The following COL25A1 variants were observed in gnomAD, a reference collection of about 807,000 sequenced individuals.
COL25A1 encodes the protein collagen alpha-1(XXV) chain.
COL25A1 carries 103 observed loss-of-function variants against 128.4 expected under a neutral mutation model. The observed-to-expected ratio is 0.80, with a 90% CI of 0.68 to 0.94. The LOEUF (loss-of-function observed/expected upper bound fraction) is 0.94, where lower values mean the gene tolerates loss of function less well. COL25A1 is among the 40% of genes least tolerant of loss of function. The pLI is 0.00. For synonymous variants in COL25A1, 279 were observed against 277.2 expected, an observed-to-expected ratio of 1.01 and a Z score of -0.06; for missense variants, 745 against 840.0, an observed-to-expected ratio of 0.89 and a Z score of 1.40.
At chr4:109,171,566 G>A (rs1773589805) in intron 3 of COL25A1, among the ~76,000 whole-genome samples, 1 of 152,148 alleles carries the variant, frequency 6.6e-6, no homozygotes, top group Admixed American at 6.5e-5. Context: ...AAAATATAAA[G>A]TGAATGGTGT....
chr4:108,938,915 C>T (rs533247626), intron 10 of COL25A1, among the ~76,000 whole-genome samples: 1 of 152,160 alleles, frequency 6.6e-6, no homozygotes, highest in Non-Finnish European at 1.5e-5. Context: ...ACTCTGAGAC[C>T]ATATACAGTT....
chr4:109,000,743 C>CAAAAAAAAAAAAAAA (rs1180104512), intron 6 of COL25A1, among the ~76,000 whole-genome samples: 2 of 36,428 alleles, frequency 5.5e-5, no homozygotes, highest in African/African-American at 3.4e-4. Context: ...GAGACTCTGT[C>CAAAAAAAAAAAAAAA]AAAAAAAAAA....
rs186460941 is a variant in COL25A1, at chr4:109,209,669, G to A, written c.367+90914C>T. On this transcript the variant is annotated intron_variant, in intron 3 of 37. Transcript: ENST00000399132. ...TCTTTGAAATACAGACTATTTCTAC[G>A]TAATGTATATAACTCACAGAAAGGA... Among the ~76,000 whole-genome samples the A allele has an allele frequency of 7.9e-4, 120 of 152,024 alleles. 2 individuals carry two copies. The highest frequency in any genetic ancestry group is 1.2e-3 in the East Asian group (6 of 5,164).
At chr4:109,109,898 C>T (rs571844198) in intron 3 of COL25A1, among the ~76,000 whole-genome samples, 24 of 152,344 alleles carry the variant, frequency 1.6e-4, no homozygotes, top group African/African-American at 5.5e-4. Flanking sequence ...GACAGACACA[C>T]ATATCAGCTT....
At chr4:109,202,374 A>G (rs1182879476) in intron 3 of COL25A1, among the ~76,000 whole-genome samples, 1 of 152,084 alleles carries the variant, frequency 6.6e-6, no homozygotes, top group Non-Finnish European at 1.5e-5. Flanking sequence ...TTTTCAACAA[A>G]TAGTGCTGGC....
chr4:109,144,325 T>A (rs1770729250), intron 3 of COL25A1, among the ~76,000 whole-genome samples: 1 of 152,200 alleles, frequency 6.6e-6, no homozygotes, highest in Non-Finnish European at 1.5e-5. Flanking sequence ...GTATGATTTG[T>A]CTGTTGACCC....
intron 5 of COL25A1, among the ~76,000 whole-genome samples, chr4:109,036,457 C>T (rs922772373): frequency 2.0e-5 from 3 of 152,166 alleles, no homozygotes; most frequent in African/African-American, 7.2e-5. Flanking sequence ...GTAATGGCAA[C>T]TCCTGATCAG....
chr4:108,966,773 C>G (rs960523404), intron 8 of COL25A1, among the ~76,000 whole-genome samples: 9 of 151,636 alleles, frequency 5.9e-5, no homozygotes, highest in Admixed American at 1.3e-4. Context: ...ATCACCTGAG[C>G]CTTGGGAGGT....
Position 108,846,194 on chromosome 4 carries a change from A to C in COL25A1, c.1460T>G (p.Met487Arg). The change falls in exon 28 of 38, where the codon ATG (methionine) becomes AGG (arginine). Residue 487 changes from methionine (M) to arginine (R), a missense_variant. By Grantham distance (91) the Met-to-Arg change is moderately conservative. Around this residue, in one of 3 missense-constraint regions of COL25A1, gnomAD observed 387 missense variants for 441.9 expected, o/e 0.88. Transcript: ENST00000399132. ...TTCACCTGTCATACCTGGGTCCCCCATGTCTCCCTTTGAGCCTTTGAGTCC... is the reference window on the plus strand; with the variant it reads ...TTCACCTGTCATACCTGGGTCCCCCCTGTCTCCCTTTGAGCCTTTGAGTCC... ...EQGLKGSKGD[M>R]GDPGMTGEKG... The C allele has an allele frequency of 6.2e-7, 1 of 1,613,052 alleles. No homozygotes were observed. Among genetic ancestry groups the C allele is most frequent in the Non-Finnish European group, 8.5e-7 (1 of 1,179,032 alleles).
At chr4:108,910,357 G>A (rs1028147013) in intron 13 of COL25A1, among the ~76,000 whole-genome samples, 1 of 152,160 alleles carries the variant, frequency 6.6e-6, no homozygotes, top group Admixed American at 6.6e-5. Context: ...CACCTAAGAG[G>A]TTTCTGAATC....
chr4:108,869,041 GA>G, intron 20 of COL25A1, 46 bp downstream of exon 20: 1 of 1,190,406 alleles, frequency 8.4e-7, no homozygotes, highest in Non-Finnish European at 1.2e-6. Flanking sequence ...AGGAAGAAAA[GA>G]AAGAAAGAAA....
chr4:108,836,166 G>C (rs948316915), intron 31 of COL25A1, among the ~76,000 whole-genome samples: 20 of 151,802 alleles, frequency 1.3e-4, no homozygotes, highest in Admixed American at 6.6e-4. Context: ...CACCGTGCCC[G>C]GCCTTACATA....
intron 3 of COL25A1, among the ~76,000 whole-genome samples, chr4:109,165,064 A>G (rs980618900): frequency 6.6e-6 from 1 of 152,220 alleles, no homozygotes; most frequent in Non-Finnish European, 1.5e-5. Context: ...AACATATGAT[A>G]ATAGTCATGT....
At chr4:108,923,420 A>G (rs1745693754) in intron 11 of COL25A1, among the ~76,000 whole-genome samples, 1 of 152,084 alleles carries the variant, frequency 6.6e-6, no homozygotes, top group Non-Finnish European at 1.5e-5. Flanking sequence ...ATCATAGCTC[A>G]CTGCAGCCTC....
chr4:108,996,428 T>C (rs147761763), intron 6 of COL25A1, among the ~76,000 whole-genome samples: 1 of 152,012 alleles, frequency 6.6e-6, no homozygotes, highest in Admixed American at 6.5e-5. Context: ...CTAACTATCC[T>C]AAACATATAT....
chr4:109,104,265 T>A (rs1247517025), intron 3 of COL25A1, among the ~76,000 whole-genome samples: 1 of 152,034 alleles, frequency 6.6e-6, no homozygotes. Flanking sequence ...CCTAGCTACT[T>A]GGGATGCTGA....
chr4:108,937,675 A>T, intron 11 of COL25A1, 133 bp downstream of exon 11: 2 of 643,460 alleles, frequency 3.1e-6, no homozygotes. Flanking sequence ...AGGCCATATT[A>T]CTTTTAACTT....
rs1373763571 is a variant in COL25A1 at position 108,951,923 on chromosome 4, C to T, written c.493-10486G>A. On this transcript the variant is annotated intron_variant, in intron 8 of 37. Coordinates refer to ENST00000399132, the MANE Select transcript of COL25A1 (RefSeq NM_198721.4). ...AATTAACTTTCTAATTCCTAAAAAC[C>T]GTAAGTTCTGAAACACACTTGACTA... 4.6e-5 allele frequency among the ~76,000 whole-genome samples: 7 copies of T among 152,042 alleles called. No individual in the cohort carries two copies. In the South Asian group the frequency reaches 6.2e-4, roughly 14 times the overall value.
At chr4:109,279,091 T>A (rs1028784017) in intron 3 of COL25A1, among the ~76,000 whole-genome samples, 10 of 152,060 alleles carry the variant, frequency 6.6e-5, no homozygotes, top group Admixed American at 3.3e-4. Context: ...TGGAGATTCA[T>A]TTTTAACATA....
Sources: gnomAD v4.1 joint callset for allele counts (sites outside exome capture counted in the v4.1 genomes callset) on GRCh38, gnomAD v4.1.1 for gene constraint, gnomAD v4.1.1 regional missense constraint, MANE v1.5 for transcripts, NCBI Gene and HGNC (gene_info 2026-07-23, HGNC 2026-07-21) for gene names.